The following RNH1 variants were observed in gnomAD, a reference collection of about 807,000 sequenced individuals.
RNH1 encodes the protein ribonuclease inhibitor.
In RNH1, 38 loss-of-function variants were observed where a neutral mutation model predicts 46.1. That is an observed-to-expected ratio of 0.82 (90% CI 0.64 to 1.08). The LOEUF (loss-of-function observed/expected upper bound fraction) is 1.08, where lower values mean the gene tolerates loss of function less well. Among genes scored for constraint, RNH1 ranks in the 50% least tolerant of loss-of-function variants. The probability of loss-of-function intolerance (pLI) is 0.00; values close to 1 mark genes in which losing one functional copy is unlikely to be tolerated. For synonymous variants in RNH1, 319 were observed against 279.1 expected (o/e 1.14, Z -1.43); for missense variants, 577 against 590.7 (o/e 0.98, Z 0.24).
At position 502,413 on chromosome 11, in the gene RNH1, G is replaced by A; in HGVS notation, c.-87-164C>T. ...CCCACCCCCAGAAAGGCCACCATGG[G>A]CAGCAGAGCTTGGGTAATGCAGATG... is the stretch of plus-strand genomic sequence containing the variant. On this transcript the variant is annotated intron_variant, in intron 2 of 10. Transcript: ENST00000354420. This position sits in a 1 kb window ranked among gnomAD's most constrained non-coding sequence, Gnocchi z 5.8. 3.5e-6 allele frequency: 2 copies of A among 567,308 alleles called. No homozygotes were observed. Among genetic ancestry groups the A allele is most frequent in the South Asian group, 4.3e-5 (2 of 47,058 alleles). 35.1% of individuals were successfully genotyped at this position (567,308 alleles called of 1,614,324 possible). A position where few individuals can be genotyped will look rare whatever the true frequency, so the allele number is the denominator to read the frequency against.
intron 5 of RNH1, 97 bp from the exon 6 acceptor site, chr11:499,282 C>G: frequency 7.5e-7 from 1 of 1,340,050 alleles, no homozygotes; most frequent in South Asian, 1.3e-5. Context: ...CATCTCCCCT[C>G]AGTCTTCTGC....
In RNH1 at chr11:501,066, C is replaced by T. The variant is rs1006142946; in HGVS notation, c.102-412G>A. The T allele has an allele frequency of 1.4e-4, 49 of 350,818 alleles. 1 individual carries two copies. The highest frequency in any genetic ancestry group is 8.5e-4 in the African/African-American group (40 of 46,906). 21.7% of individuals were successfully genotyped at this position (350,818 alleles called of 1,614,324 possible). Reference sequence around the variant, plus strand: ...TCACTTGAGCCCAGGAGGTTGAGGCCGCATAAGCCATGAGGGAGCCACTCC... The same window carrying T: ...TCACTTGAGCCCAGGAGGTTGAGGCTGCATAAGCCATGAGGGAGCCACTCC... On this transcript the variant is annotated intron_variant, in intron 3 of 10. Transcript: ENST00000354420. This position sits in a 1 kb window ranked among gnomAD's most constrained non-coding sequence, Gnocchi z 4.1.
rs775449978 is a variant in RNH1 at position 499,617 on chromosome 11, G to T, written c.443+212C>A. 4.0e-5 allele frequency: 29 copies of T among 729,900 alleles called. 1 individual carries two copies. In the South Asian group the frequency reaches 4.3e-4, roughly 11 times the overall value. 45.2% of individuals were successfully genotyped at this position (729,900 alleles called of 1,614,324 possible). The stretch of plus-strand genomic sequence containing the variant: ...AAAGGACAACTGGATGGGGAGGGAG[G>T]GTGATGACAGATCCCCCCAGCCCCA... On this transcript the variant is annotated intron_variant, in intron 5 of 10. Transcript: ENST00000354420.
In RNH1 at chr11:502,722, C is replaced by T. The variant is rs2269394; in HGVS notation, c.-87-473G>A. 5,195 of 162,044 alleles carry T rather than the reference C, an allele frequency of 0.032. 247 individuals carry two copies. Among genetic ancestry groups the T allele is most frequent in the East Asian group, 0.16 (879 of 5,660 alleles). 10.0% of individuals were successfully genotyped at this position (162,044 alleles called of 1,614,324 possible). A position where few individuals can be genotyped will look rare whatever the true frequency, so the allele number is the denominator to read the frequency against. On this transcript the variant is annotated intron_variant, in intron 2 of 10. Transcript: ENST00000354420. This position sits in a 1 kb window ranked among gnomAD's most constrained non-coding sequence, Gnocchi z 5.8. ...GATGCCAGGATCCTGGACCCGGCCACAGTGTCCGAAGCAAGACAGAGCAGG... is the reference window on the plus strand; with the variant it reads ...GATGCCAGGATCCTGGACCCGGCCATAGTGTCCGAAGCAAGACAGAGCAGG...
Position 495,396 on chromosome 11 carries a change from A to C in RNH1, c.1128-343T>G, listed in dbSNP as rs184862764. Among the ~76,000 whole-genome samples, 12 of 152,338 alleles carry C rather than the reference A, an allele frequency of 7.9e-5. No homozygotes were observed. In the East Asian group the frequency reaches 2.3e-3, roughly 29 times the overall value. ...CTGCGTGGGCTTCAAAGGAGAAGCC[A>C]GCCAGAGACTGAGGAGCAGCTGTGG... On this transcript the variant is annotated intron_variant, in intron 9 of 10. Coordinates refer to ENST00000354420, the MANE Select transcript of RNH1 (RefSeq NM_203387.3).
intron 5 of RNH1, 24 bp downstream of exon 5, chr11:499,805 C>A: frequency 6.3e-7 from 1 of 1,595,774 alleles, no homozygotes. Flanking sequence ...CCAGCATGGG[C>A]CCTGGGGCAG....
At position 504,905 on chromosome 11, in the gene RNH1, G is replaced by C. The variant is rs1357106319; in HGVS notation, c.-169C>G. 6.6e-6 allele frequency: 1 copy of C among 152,226 alleles called. No individual in the cohort carries two copies. The highest frequency in any genetic ancestry group is 1.9e-4 in the East Asian group (1 of 5,200). The allele number at this position is 152,226 out of a possible 1,614,324, so 9.4% of individuals were successfully genotyped here. A position where few individuals can be genotyped will look rare whatever the true frequency, so the allele number is the denominator to read the frequency against. ...TTGTTGTAGCTGAGGCGAACGGGGC[G>C]AGGCTGTGAGGACGGGTTTTGGAGC... On this transcript the variant is annotated 5_prime_UTR_variant, in exon 2 of 11. Coordinates refer to ENST00000354420, the MANE Select transcript of RNH1 (RefSeq NM_203387.3).
chr11:507,194 T>C lies in RNH1; in HGVS notation c.-342A>G, dbSNP rs1467644291. The C allele has an allele frequency of 6.6e-6, 1 of 152,000 alleles. No individual in the cohort carries two copies. The highest frequency in any genetic ancestry group is 2.4e-5 in the African/African-American group (1 of 41,380). 9.4% of individuals were successfully genotyped at this position (152,000 alleles called of 1,614,324 possible). ...TTCGTTCTCGAGCCAGCAGAACGGG[T>C]TGAACGTGTCGACAACCCCACCCGC... On this transcript the variant is annotated 5_prime_UTR_variant, in exon 1 of 11. Coordinates refer to ENST00000354420, the MANE Select transcript of RNH1 (RefSeq NM_203387.3).
At position 500,536 on chromosome 11, in the gene RNH1, G is replaced by T; in HGVS notation, c.220C>A (p.His74Asn). The T allele has an allele frequency of 6.2e-7, 1 of 1,610,648 alleles. No individual in the cohort carries two copies. ...GTCTGCAGGCCCTGGAGCACGCAAT[G>T]CACGCCGACATCGCCCAGCTCGTTG... ...RSNELGDVGV[H>N]CVLQGLQTPS... Residue 74 changes from histidine (H) to asparagine (N), a missense_variant, in exon 4 of 11, where the codon CAT becomes AAT. His to Asn is a moderately conservative substitution (Grantham distance 68). Transcript: ENST00000354420.
chr11:498,876 G>A lies in RNH1; in HGVS notation c.672C>T (p.Ala224=), dbSNP rs906989418. The A allele has an allele frequency of 1.2e-6, 2 of 1,612,486 alleles. No homozygotes were observed. Among genetic ancestry groups the A allele is most frequent in the South Asian group, 1.1e-5 (1 of 91,032 alleles). The change falls in exon 7 of 11, where the codon GCC becomes GCT. Residue 224 remains alanine, a synonymous_variant. Coordinates refer to ENST00000354420, the MANE Select transcript of RNH1 (RefSeq NM_203387.3). ...DNCRDLCGIV[A]SKASLRELAL... The stretch of plus-strand genomic sequence containing the variant: ...CCAGCTCCCGCAGCGAGGCCTTGGA[G>A]GCCACAATGCCGCACAGGTCCCGGC...
At position 502,221 on chromosome 11, in the gene RNH1, TC is replaced by T. The variant is rs1432139597; in HGVS notation, c.-60del. ...GAGGGAAGAGGACGTCTTGGCCGAA[TC>T]CCCTCACAGTTTCACAGGCCGGAGA... is the stretch of plus-strand genomic sequence containing the variant. On this transcript the variant is annotated 5_prime_UTR_variant, in exon 3 of 11. Coordinates refer to ENST00000354420, the MANE Select transcript of RNH1 (RefSeq NM_203387.3). The surrounding 1 kb of genome is among the most constrained non-coding windows in gnomAD (Gnocchi z 5.8). 7.4e-7 allele frequency: 1 copy of T among 1,343,742 alleles called. No individual in the cohort carries two copies. The highest frequency in any genetic ancestry group is 1.0e-6 in the Non-Finnish European group (1 of 956,804). The allele number at this position is 1,343,742 out of a possible 1,614,324, so 83.2% of individuals were successfully genotyped here.
intron 5 of RNH1, 38 bp downstream of exon 5, chr11:499,791 G>A: frequency 1.3e-6 from 2 of 1,583,868 alleles, no homozygotes; most frequent in Non-Finnish European, 1.7e-6. Context: ...GGGACAGGCA[G>A]CGGCCAGCAT....
At chr11:500,063 A>G (rs1447694395) in intron 4 of RNH1, 64 bp from the exon 5 acceptor site, 2 of 1,453,330 alleles carry the variant, frequency 1.4e-6, no homozygotes, top group Non-Finnish European at 1.8e-6. Flanking sequence ...TTCGCCTGCC[A>G]GAGCCCAGAG....
chr11:494,643 G>A lies in RNH1; in HGVS notation c.*48C>T. ...CATGGCAGGGGCTGGTGGGCCCCAG[G>A]GTTGCCTCGAGGCCGGTCGTCCAGG... On this transcript the variant is annotated 3_prime_UTR_variant, in exon 11 of 11. Transcript: ENST00000354420. The A allele has an allele frequency of 1.3e-6, 2 of 1,566,472 alleles. No homozygotes were observed. Among genetic ancestry groups the A allele is most frequent in the Middle Eastern group, 1.7e-4 (1 of 5,838 alleles).
At position 494,706 on chromosome 11, in the gene RNH1, C is replaced by T. The variant is rs886872114; in HGVS notation, c.1371G>A (p.Leu457=). The change falls in exon 11 of 11, where the codon CTG becomes CTA. Residue 457 remains leucine, a synonymous_variant. Transcript: ENST00000354420. ...LQALEKDKPS[L]RVIS is the part of the protein sequence containing the mutation. ...AGGAAGAGCCTCAGGAGATGACCCT[C>T]AGGGATGGCTTGTCCTTCTCCAGGG... is the stretch of plus-strand genomic sequence containing the variant. 1 of 1,613,726 alleles carries T rather than the reference C, an allele frequency of 6.2e-7. No individual in the cohort carries two copies. The highest frequency in any genetic ancestry group is 1.7e-5 in the Admixed American group (1 of 59,994).
rs777669515 is a variant in RNH1, at chr11:499,741, G to A, written c.443+88C>T. ...CCTGTGACCTGAGTCCCCTCCTCACGGCTCCTGGCAGGCGATGTTCTATGT... is the reference window on the plus strand; with the variant it reads ...CCTGTGACCTGAGTCCCCTCCTCACAGCTCCTGGCAGGCGATGTTCTATGT... On this transcript the variant is annotated intron_variant, in intron 5 of 10. Transcript: ENST00000354420. The A allele has an allele frequency of 5.5e-4, 837 of 1,518,344 alleles. 1 individual carries two copies. The highest frequency in any genetic ancestry group is 6.0e-4 in the Non-Finnish European group (664 of 1,109,500). The allele number at this position is 1,518,344 out of a possible 1,614,324, so 94.1% of individuals were successfully genotyped here.
chr11:496,032 G>A (rs993175066), intron 9 of RNH1, among the ~76,000 whole-genome samples: 1 of 151,288 alleles, frequency 6.6e-6, no homozygotes, highest in Non-Finnish European at 1.5e-5. Context: ...CATAATTAGA[G>A]GGTCACTCCA....
Position 498,627 on chromosome 11 carries a change from C to T in RNH1, c.786G>A (p.Trp262Ter). The change falls in exon 8 of 11, where the codon TGG becomes TGA. Residue 262 changes from tryptophan (W) to a stop codon, truncating the protein, a stop_gained and splice_region_variant. Coordinates refer to ENST00000354420, the MANE Select transcript of RNH1 (RefSeq NM_203387.3). LOFTEE classifies it high-confidence loss of function. ...TGGCAGTGATGCCACACTCCCAGAT[C>T]CTGCAGGACATGGACCACCACAGAC... ...LHPSSRLRTL[W>*]IWECGITAKG... 6.2e-7 allele frequency: 1 copy of T among 1,612,050 alleles called. No individual in the cohort carries two copies. Among genetic ancestry groups the T allele is most frequent in the Non-Finnish European group, 8.5e-7 (1 of 1,179,972 alleles).
At chr11:496,246 G>A (rs1040298728) in intron 9 of RNH1, among the ~76,000 whole-genome samples, 3 of 152,276 alleles carry the variant, frequency 2.0e-5, no homozygotes, top group East Asian at 3.9e-4. Flanking sequence ...AAAGCAGATC[G>A]TGCACACAAG....
Sources: gnomAD v4.1 joint callset for allele counts (sites outside exome capture counted in the v4.1 genomes callset) on GRCh38, gnomAD v4.1.1 for gene constraint, Gnocchi (gnomAD v3.1) non-coding constraint, MANE v1.5 for transcripts, NCBI Gene and HGNC (gene_info 2026-07-23, HGNC 2026-07-21) for gene names.